Variants in DZIP1L observed in about 807,000 individuals in gnomAD.
DZIP1L encodes DAZ interacting zinc finger protein 1 like.
A neutral mutation model predicts 88.7 loss-of-function variants in DZIP1L; 90 were observed. The ratio of observed to expected loss-of-function variants is 1.02; its 90% CI spans 0.86 to 1.21. The LOEUF (loss-of-function observed/expected upper bound fraction) is 1.21, where lower values mean the gene tolerates loss of function less well. DZIP1L is among the 50% of genes most tolerant of loss of function. The pLI, the probability that DZIP1L is intolerant of heterozygous loss-of-function variation, is 0.00. For synonymous variants in DZIP1L, 363 were observed against 372.1 expected (o/e 0.98, Z 0.28); for missense variants, 932 against 955.8 (o/e 0.98, Z 0.33).
intron 2 of DZIP1L, chr3:138,102,499 A>G: frequency 1.5e-6 from 2 of 1,342,852 alleles, no homozygotes; most frequent in Middle Eastern, 2.2e-4. Flanking sequence ...GTAGCTCTGA[A>G]CATGTTGTCC....
At position 138,104,011 on chromosome 3, in the gene DZIP1L, G is replaced by A. The variant is rs1414956168; in HGVS notation, c.-40C>T. ...CTGAGCTGACCACCAGAGGAGGGGG[G>A]CACCAAGGCCACGGCAGTAGGCCAA... On this transcript the variant is annotated 5_prime_UTR_variant, in exon 2 of 16. Coordinates refer to ENST00000327532, the MANE Select transcript of DZIP1L (RefSeq NM_173543.3). The A allele has an allele frequency of 4.4e-6, 7 of 1,574,822 alleles. No homozygotes were observed. Among genetic ancestry groups the A allele is most frequent in the Admixed American group, 3.7e-5 (2 of 54,724 alleles).
intron 2 of DZIP1L, chr3:138,102,501 ATGT>A: frequency 7.5e-7 from 1 of 1,325,372 alleles, no homozygotes; most frequent in Non-Finnish European, 1.1e-6. Context: ...AGCTCTGAAC[ATGT>A]TGTCCATGTT....
intron 1 of DZIP1L, 122 bp downstream of exon 1, chr3:138,115,206 A>C (rs1318459809): frequency 2.0e-5 from 3 of 152,134 alleles, no homozygotes; most frequent in African/African-American, 7.2e-5. Context: ...CCCGGCAGGG[A>C]GTTCGCCCCC....
chr3:138,090,355 C>T (rs1453673875), intron 5 of DZIP1L, among the ~76,000 whole-genome samples: 1 of 152,074 alleles, frequency 6.6e-6, no homozygotes, highest in Non-Finnish European at 1.5e-5. Context: ...CCTGTCAATA[C>T]CTATTTATCA....
At chr3:138,108,263 C>G in intron 1 of DZIP1L, 1 of 984,980 alleles carries the variant, frequency 1.0e-6, no homozygotes, top group Non-Finnish European at 1.2e-6. Flanking sequence ...AGCTGTGCCT[C>G]GGAGCAACAG....
At chr3:138,097,140 C>A (rs1018288840) in intron 3 of DZIP1L, among the ~76,000 whole-genome samples, 13 of 151,640 alleles carry the variant, frequency 8.6e-5, no homozygotes, top group African/African-American at 3.2e-4. Flanking sequence ...CGAGATCAAG[C>A]CACTGCACTC....
At chr3:138,072,462 G>A (rs889192814) in intron 11 of DZIP1L, among the ~76,000 whole-genome samples, 4 of 151,924 alleles carry the variant, frequency 2.6e-5, no homozygotes, top group Admixed American at 1.3e-4. Flanking sequence ...TCAAAGTAGT[G>A]ACCATTCTTC....
Position 138,103,231 on chromosome 3 carries a change from G to A in DZIP1L, c.501+240C>T, listed in dbSNP as rs545547162. On this transcript the variant is annotated intron_variant, in intron 2 of 15. Coordinates refer to ENST00000327532, the MANE Select transcript of DZIP1L (RefSeq NM_173543.3). ...AGACATGTACCCTCTCCATAAACAC[G>A]CACACCTCCCACACATGTACAATCT... 5.3e-5 allele frequency among the ~76,000 whole-genome samples: 8 copies of A among 150,562 alleles called. No individual in the cohort carries two copies. In the East Asian group the frequency reaches 1.4e-3, roughly 26 times the overall value.
chr3:138,101,885 T>C, intron 2 of DZIP1L: 1 of 1,423,098 alleles, frequency 7.0e-7, no homozygotes. Flanking sequence ...AGCTTGGCGT[T>C]GGCATCCTTA....
chr3:138,071,852 T>G lies in DZIP1L; in HGVS notation c.1423-17A>C, dbSNP rs1196538773. On this transcript the variant is annotated splice_polypyrimidine_tract_variant and intron_variant, in intron 11 of 15. Transcript: ENST00000327532. ...CTTTGCATCCTAGAGGAGACAGGAG[T>G]TCACCTTTACAGAGAGAGGCTACCC... 1.1e-5 allele frequency: 18 copies of G among 1,603,358 alleles called. No individual in the cohort carries two copies. Among genetic ancestry groups the G allele is most frequent in the Non-Finnish European group, 1.4e-5 (17 of 1,175,424 alleles).
intron 1 of DZIP1L, among the ~76,000 whole-genome samples, chr3:138,109,625 T>C (rs1212977617): frequency 6.6e-6 from 1 of 152,198 alleles, no homozygotes; most frequent in Non-Finnish European, 1.5e-5. Flanking sequence ...ACCCAAAGGA[T>C]TATAAATCAT....
At chr3:138,106,693 G>A (rs529473379) in intron 1 of DZIP1L, among the ~76,000 whole-genome samples, 20 of 151,944 alleles carry the variant, frequency 1.3e-4, no homozygotes, top group Admixed American at 5.2e-4. Flanking sequence ...TTAGCCGGGC[G>A]TGGTGGCGTG....
At chr3:138,086,028 G>A (rs1011443054) in intron 7 of DZIP1L, among the ~76,000 whole-genome samples, 1 of 151,264 alleles carries the variant, frequency 6.6e-6, no homozygotes, top group African/African-American at 2.4e-5. Context: ...AACACCGCAT[G>A]TTCTCACTCA....
At chr3:138,088,194 T>C (rs1405099102) in intron 6 of DZIP1L, among the ~76,000 whole-genome samples, 185 bp downstream of exon 6, 1 of 152,206 alleles carries the variant, frequency 6.6e-6, no homozygotes, top group African/African-American at 2.4e-5. Flanking sequence ...AAATCTGACA[T>C]TGCACACATA....
chr3:138,097,611 C>T (rs1024297419), intron 3 of DZIP1L, 152 bp downstream of exon 3: 11 of 696,702 alleles, frequency 1.6e-5, no homozygotes, highest in South Asian at 4.1e-5. Context: ...GTGGGCTCCC[C>T]CGGTGGTGGA....
At chr3:138,105,813 T>C (rs2042467134) in intron 1 of DZIP1L, among the ~76,000 whole-genome samples, 1 of 152,180 alleles carries the variant, frequency 6.6e-6, no homozygotes, top group Non-Finnish European at 1.5e-5. Context: ...TGCTCATTTA[T>C]AATTCATATG....
Position 138,094,873 on chromosome 3 carries a change from G to A in DZIP1L, c.697C>T (p.Arg233Trp), listed in dbSNP as rs374326524. ...LEAQREAERQ[R>W]QLQEAELIHQ... ...CTCTCCCTGCCCACCTGGAGCTGCC[G>A]CTGCCTCTCCGCCTCCCTCTGGGCT... The change falls in exon 4 of 16, where the codon CGG becomes TGG. Residue 233 changes from arginine (R) to tryptophan (W), a missense_variant. By Grantham distance (101) the Arg-to-Trp change is moderately radical. Coordinates refer to ENST00000327532, the MANE Select transcript of DZIP1L (RefSeq NM_173543.3). 2.7e-5 allele frequency: 43 copies of A among 1,614,036 alleles called. No homozygotes were observed. Among genetic ancestry groups the A allele is most frequent in the Middle Eastern group, 1.6e-4 (1 of 6,084 alleles).
intron 5 of DZIP1L, among the ~76,000 whole-genome samples, chr3:138,089,593 C>A (rs561781445): frequency 6.6e-6 from 1 of 152,112 alleles, no homozygotes; most frequent in African/African-American, 2.4e-5. Context: ...CAGGAAGAAT[C>A]ATTTTTTGCA....
chr3:138,101,042 A>G (rs2042289647), intron 2 of DZIP1L, among the ~76,000 whole-genome samples: 2 of 152,030 alleles, frequency 1.3e-5, no homozygotes, highest in African/African-American at 4.8e-5. Context: ...ACTCCTCTAC[A>G]TACACATACA....
Sources: gnomAD v4.1 joint callset for allele counts (sites outside exome capture counted in the v4.1 genomes callset) on GRCh38, gnomAD v4.1.1 for gene constraint, MANE v1.5 for transcripts, NCBI Gene and HGNC (gene_info 2026-07-23, HGNC 2026-07-21) for gene names.